The following CAMTA1 variants were observed in gnomAD, a reference collection of about 807,000 sequenced individuals.
CAMTA1 encodes calmodulin-binding transcription activator 1.
In CAMTA1, 27 loss-of-function variants were observed where a neutral mutation model predicts 170.9. That is an observed-to-expected ratio of 0.16 (90% CI 0.12 to 0.22). CAMTA1 has a LOEUF of 0.22. Ranked by LOEUF, CAMTA1 falls within the 10% of genes least tolerant of loss-of-function variation. The pLI, the probability that CAMTA1 is intolerant of heterozygous loss-of-function variation, is 1.00. For synonymous variants in CAMTA1, 833 were observed against 891.5 expected (o/e 0.93, Z 1.17); for missense variants, 1,619 against 2,217.2 (o/e 0.73, Z 5.42).
intron 9 of CAMTA1, among the ~76,000 whole-genome samples, chr1:7,668,419 ACACACACACACACC>A (rs1359435083): frequency 4.2e-5 from 6 of 143,336 alleles, no homozygotes; most frequent in Admixed American, 1.4e-4. Flanking sequence ...ACACACACAC[ACACACACACACACC>A]CACCACACAC....
intron 5 of CAMTA1, among the ~76,000 whole-genome samples, chr1:7,340,113 C>T (rs772904464): frequency 3.3e-5 from 5 of 152,190 alleles, no homozygotes; most frequent in Non-Finnish European, 7.3e-5. Flanking sequence ...TGCATCAACT[C>T]AACTTTGCTG....
At chr1:6,989,731 G>A (rs911719633) in intron 3 of CAMTA1, among the ~76,000 whole-genome samples, 7 of 152,182 alleles carry the variant, frequency 4.6e-5, no homozygotes, top group African/African-American at 1.7e-4. Flanking sequence ...GTTTAACTTT[G>A]AAAGGAGAGT....
At chr1:6,899,078 G>A (rs904497416) in intron 3 of CAMTA1, among the ~76,000 whole-genome samples, 12 of 152,118 alleles carry the variant, frequency 7.9e-5, no homozygotes, top group African/African-American at 2.9e-4. Flanking sequence ...AGGGTGGGGA[G>A]GGTTTGCTGC....
intron 5 of CAMTA1, among the ~76,000 whole-genome samples, chr1:7,295,297 C>T (rs764174942): frequency 6.6e-6 from 1 of 152,206 alleles, no homozygotes; most frequent in Non-Finnish European, 1.5e-5. Context: ...GGCCCTGTCT[C>T]CTACATTGCA....
At chr1:7,739,378 C>T (rs2096794135) in intron 16 of CAMTA1, among the ~76,000 whole-genome samples, 1 of 152,134 alleles carries the variant, frequency 6.6e-6, no homozygotes, top group Admixed American at 6.5e-5. Flanking sequence ...CCCTTCATGC[C>T]AGCCCTCTGC....
intron 11 of CAMTA1, among the ~76,000 whole-genome samples, chr1:7,706,417 A>G (rs1019147042): frequency 6.6e-6 from 1 of 152,186 alleles, no homozygotes; most frequent in Non-Finnish European, 1.5e-5. Flanking sequence ...TTCTCTTACT[A>G]CCTTGAGGAA....
intron 3 of CAMTA1, among the ~76,000 whole-genome samples, chr1:7,003,751 A>G (rs1189708476): frequency 1.3e-5 from 2 of 152,234 alleles, no homozygotes; most frequent in Admixed American, 6.5e-5. Flanking sequence ...ATTTTCATAT[A>G]CCAGCAAGAA....
At chr1:7,471,013 A>C (rs2093320201) in intron 6 of CAMTA1, among the ~76,000 whole-genome samples, 1 of 152,144 alleles carries the variant, frequency 6.6e-6, no homozygotes, top group South Asian at 2.1e-4. Flanking sequence ...TGCTGTGGTG[A>C]CGTATCCACC....
chr1:6,838,586 T>A (rs568197608), intron 3 of CAMTA1, among the ~76,000 whole-genome samples: 88 of 152,350 alleles, frequency 5.8e-4, no homozygotes, highest in African/African-American at 2.1e-3. Flanking sequence ...TCTTTCAGAT[T>A]TCTTTCTGAT....
Position 7,014,923 on chromosome 1 carries a change from C to T in CAMTA1, c.235-76381C>T, listed in dbSNP as rs1165776661. Among the ~76,000 whole-genome samples, 5 of 152,158 alleles carry T rather than the reference C, an allele frequency of 3.3e-5. No individual in the cohort carries two copies. Among genetic ancestry groups the T allele is most frequent in the African/African-American group, 9.7e-5 (4 of 41,424 alleles). The stretch of plus-strand genomic sequence containing the variant: ...GTGTCTTTTTTTGGAGGAAGAGCTT[C>T]TTTCACATTCCCTGACTCAAAAACC... On this transcript the variant is annotated intron_variant, in intron 3 of 22. Transcript: ENST00000303635. This position sits in a 1 kb window ranked among gnomAD's most constrained non-coding sequence, Gnocchi z 4.2.
At position 6,802,553 on chromosome 1, in the gene CAMTA1, G is replaced by T. The variant is rs191422950; in HGVS notation, c.45+16978G>T. 9.8e-5 allele frequency among the ~76,000 whole-genome samples: 15 copies of T among 152,312 alleles called. No individual in the cohort carries two copies. In the South Asian group the frequency reaches 1.9e-3, roughly 19 times the overall value. ...TCTGTCCCCATCAAACAGTGTAAAA[G>T]AAAAGATATTGACTCCTAAAGGAGT... On this transcript the variant is annotated intron_variant, in intron 1 of 22. Transcript: ENST00000303635.
At chr1:6,967,071 G>A (rs1383870873) in intron 3 of CAMTA1, among the ~76,000 whole-genome samples, 12 of 151,716 alleles carry the variant, frequency 7.9e-5, no homozygotes, top group African/African-American at 1.4e-4. Context: ...GTGAAACCCT[G>A]TCTCTACTAA....
chr1:7,392,258 C>CTT (rs3034862), intron 5 of CAMTA1, among the ~76,000 whole-genome samples: 8,115 of 135,848 alleles, frequency 0.06, 633 homozygotes, highest in African/African-American at 0.18. Context: ...AGACCCCCAT[C>CTT]TTTTTTTTTT....
rs1422620176 is a variant in CAMTA1, at chr1:7,173,035, TG to T, written c.303-76452del. 6.6e-5 allele frequency among the ~76,000 whole-genome samples: 10 copies of T among 152,198 alleles called. No individual in the cohort carries two copies. Among genetic ancestry groups the T allele is most frequent in the Admixed American group, 5.9e-4 (9 of 15,284 alleles). On this transcript the variant is annotated intron_variant, in intron 4 of 22. Coordinates refer to ENST00000303635, the MANE Select transcript of CAMTA1 (RefSeq NM_015215.4). This position sits in a 1 kb window ranked among gnomAD's most constrained non-coding sequence, Gnocchi z 5.4. The stretch of plus-strand genomic sequence containing the variant: ...CATCCATCCCGTGCTGGAGCGTGGC[TG>T]GGGACAGGCTGTGCGGGAGGCGCAG...
At chr1:7,587,795 A>G (rs2095323495) in intron 6 of CAMTA1, among the ~76,000 whole-genome samples, 1 of 152,046 alleles carries the variant, frequency 6.6e-6, no homozygotes, top group Non-Finnish European at 1.5e-5. Flanking sequence ...GGCTGGCAGG[A>G]ACCTGGAGGC....
In CAMTA1 at chr1:7,570,695, G is replaced by A. The variant is rs2095114907; in HGVS notation, c.511-69705G>A. On this transcript the variant is annotated intron_variant, in intron 6 of 22. Transcript: ENST00000303635. This position sits in a 1 kb window ranked among gnomAD's most constrained non-coding sequence, Gnocchi z 4.3. ...CAAGGTCCTGTCAGCCTCCTGCTGT[G>A]TCAGCACAGACCCTGCCTGGGACCC... Among the ~76,000 whole-genome samples, 1 of 152,246 alleles carries A rather than the reference G, an allele frequency of 6.6e-6. No homozygotes were observed. The highest frequency in any genetic ancestry group is 1.5e-5 in the Non-Finnish European group (1 of 68,042).
chr1:7,297,174 C>T (rs1674075577), intron 5 of CAMTA1, among the ~76,000 whole-genome samples: 1 of 152,212 alleles, frequency 6.6e-6, no homozygotes, highest in Non-Finnish European at 1.5e-5. Flanking sequence ...AATCCATGAA[C>T]ATGGTATATC....
intron 4 of CAMTA1, among the ~76,000 whole-genome samples, chr1:7,111,893 A>T (rs1315892984): frequency 6.6e-6 from 1 of 150,996 alleles, no homozygotes; most frequent in Admixed American, 6.6e-5. Flanking sequence ...TCCAAAAAAA[A>T]AAAAAAAAAA....
At chr1:7,028,712 C>T (rs536783409) in intron 3 of CAMTA1, among the ~76,000 whole-genome samples, 4 of 152,328 alleles carry the variant, frequency 2.6e-5, no homozygotes, top group Non-Finnish European at 1.5e-5. Context: ...TCTGACCCCA[C>T]AGCCCTGCTT....
Sources: allele counts gnomAD v4.1 joint callset (sites outside exome capture counted in the v4.1 genomes callset), GRCh38; gene constraint gnomAD v4.1.1; non-coding constraint Gnocchi (gnomAD v3.1); transcripts MANE v1.5; gene names NCBI Gene and HGNC (gene_info 2026-07-23, HGNC 2026-07-21).